TLK1: variants seen among roughly 807,000 people sequenced by gnomAD.
TLK1 encodes the protein serine/threonine-protein kinase tousled-like 1.
TLK1 carries 24 observed loss-of-function variants against 105.3 expected under a neutral mutation model. That is an observed-to-expected ratio of 0.23 (90% CI 0.17 to 0.32). TLK1 has a LOEUF of 0.32. Among genes scored for constraint, TLK1 ranks in the 10% least tolerant of loss-of-function variants. TLK1 has a pLI of 1.00. For missense variants in TLK1, 558 were observed against 910.5 expected (o/e 0.61, Z 4.98); for synonymous variants, 321 against 310.4 (o/e 1.03, Z -0.36).
chr2:171,061,245 A>C, intron 3 of TLK1, 89 bp from the exon 4 acceptor site: 1 of 1,233,334 alleles, frequency 8.1e-7, no homozygotes, highest in Non-Finnish European at 1.2e-6. Flanking sequence ...TCGAGACCAA[A>C]AAAATAGCAT....
chr2:171,073,997 T>G (rs933563504), intron 3 of TLK1, among the ~76,000 whole-genome samples: 7 of 151,484 alleles, frequency 4.6e-5, no homozygotes, highest in African/African-American at 9.7e-5. Flanking sequence ...TTCAAGCGAT[T>G]CTCCTGTCTC....
intron 19 of TLK1, 147 bp from the exon 20 acceptor site, chr2:170,996,907 A>G (rs1417630536): frequency 1.5e-6 from 1 of 669,218 alleles, no homozygotes; most frequent in Non-Finnish European, 2.4e-6. Flanking sequence ...CCTGAGATGA[A>G]TTCTCATACA....
chr2:170,996,600 C>T, intron 20 of TLK1, 53 bp downstream of exon 20: 2 of 1,464,446 alleles, frequency 1.4e-6, no homozygotes, highest in Non-Finnish European at 1.9e-6. Flanking sequence ...GTTGTCAGCA[C>T]AACTGATGAA....
At chr2:171,189,285 G>A (rs1693098167) in intron 1 of TLK1, among the ~76,000 whole-genome samples, 1 of 151,062 alleles carries the variant, frequency 6.6e-6, no homozygotes, top group South Asian at 2.1e-4. Context: ...TCCTGCCTCA[G>A]CCTCCTGAAT....
rs138171576 is a variant in TLK1, at chr2:171,122,987, C to T, written c.140-5130G>A. On this transcript the variant is annotated intron_variant, in intron 1 of 20. Coordinates refer to ENST00000431350, the MANE Select transcript of TLK1 (RefSeq NM_012290.5). ...CCAGGAGGTAGAGGTTGCAGTGAGC[C>T]GAGATCACACCACTTCACTCCAGCC... 4.1e-4 allele frequency among the ~76,000 whole-genome samples: 62 copies of T among 149,926 alleles called. 1 individual carries two copies. The East Asian group carries it at 5.7e-3, about 14-fold the overall frequency.
chr2:171,036,687 T>C (rs970605064), intron 11 of TLK1, among the ~76,000 whole-genome samples: 2 of 152,214 alleles, frequency 1.3e-5, no homozygotes, highest in Non-Finnish European at 2.9e-5. Context: ...GCTTCTCGAG[T>C]TTCAGTTTCA....
chr2:171,001,308 GA>G (rs780454802), intron 18 of TLK1, among the ~76,000 whole-genome samples: 1 of 152,164 alleles, frequency 6.6e-6, no homozygotes, highest in Non-Finnish European at 1.5e-5. Flanking sequence ...TCTTGATCTA[GA>G]GGCTGAATTA....
chr2:171,119,807 T>TA (rs1194999502), intron 1 of TLK1, among the ~76,000 whole-genome samples: 2 of 152,076 alleles, frequency 1.3e-5, no homozygotes, highest in East Asian at 1.9e-4. Flanking sequence ...TTTAACCATA[T>TA]AAAAAAATTA....
chr2:171,209,380 G>T (rs1247683687), intron 1 of TLK1, among the ~76,000 whole-genome samples: 2 of 151,986 alleles, frequency 1.3e-5, no homozygotes, highest in Non-Finnish European at 2.9e-5. Flanking sequence ...TAAATTATTA[G>T]GTATCTATGT....
intron 1 of TLK1, among the ~76,000 whole-genome samples, chr2:171,230,130 A>T (rs191702534): frequency 5.9e-5 from 9 of 152,246 alleles, no homozygotes; most frequent in Non-Finnish European, 1.2e-4. Context: ...TTTATCCATT[A>T]ACTGCTACAA....
At chr2:171,049,790 T>G (rs759067535) in intron 10 of TLK1, 24 bp downstream of exon 10, 1 of 1,611,796 alleles carries the variant, frequency 6.2e-7, no homozygotes, top group Non-Finnish European at 8.5e-7. Context: ...TACTAAAAAC[T>G]TTTAAATGTT....
intron 12 of TLK1, among the ~76,000 whole-genome samples, chr2:171,020,337 T>C (rs1040070693): frequency 6.6e-6 from 1 of 151,418 alleles, no homozygotes; most frequent in Non-Finnish European, 1.5e-5. Context: ...GTCAGGAGTT[T>C]GAGACCAGCC....
rs1049202245 is a variant in TLK1 at position 171,160,883 on chromosome 2, G to A, written c.-455C>T. ...TGTGGGTGGCGGCTGAGGCGGTGGGGTAACCTCTGCATCAGTTACAGGCGG... is the reference window on the plus strand; with the variant it reads ...TGTGGGTGGCGGCTGAGGCGGTGGGATAACCTCTGCATCAGTTACAGGCGG... On this transcript the variant is annotated 5_prime_UTR_variant, in exon 1 of 21. Transcript: ENST00000431350. This position sits in a 1 kb window ranked among gnomAD's most constrained non-coding sequence, Gnocchi z 4.4. 1.0e-5 allele frequency: 3 copies of A among 292,218 alleles called. No homozygotes were observed. Among genetic ancestry groups the A allele is most frequent in the African/African-American group, 4.5e-5 (2 of 44,728 alleles). The allele number at this position is 292,218 out of a possible 1,614,324, so 18.1% of individuals were successfully genotyped here. A position where few individuals can be genotyped will look rare whatever the true frequency, so the allele number is the denominator to read the frequency against.
At chr2:171,028,571 CT>C (rs1298942134) in intron 11 of TLK1, among the ~76,000 whole-genome samples, 166 bp from the exon 12 acceptor site, 1 of 151,642 alleles carries the variant, frequency 6.6e-6, no homozygotes, top group Non-Finnish European at 1.5e-5. Flanking sequence ...ATATTTAATA[CT>C]TTTAGATGAA....
chr2:171,156,027 G>T (rs907657233), intron 1 of TLK1, among the ~76,000 whole-genome samples: 19 of 152,104 alleles, frequency 1.2e-4, no homozygotes, highest in Non-Finnish European at 2.2e-4. Context: ...TAGACTTCCT[G>T]TAGGTCCTAG....
In TLK1 at chr2:171,171,504, CAAAAAA is replaced by C. The variant is rs541238416; in HGVS notation, c.-5-53653_-5-53648del. Among the ~76,000 whole-genome samples, 27 of 67,416 alleles carry C rather than the reference CAAAAAA, an allele frequency of 4.0e-4. 1 individual carries two copies. The East Asian group carries it at 8.5e-3, about 21-fold the overall frequency. 44.2% of individuals were successfully genotyped at this position (67,416 alleles called of 152,430 possible). On this transcript the variant is annotated intron_variant, in intron 1 of 20. Transcript: ENST00000521943. ...GAGACTCTTACACTGCCCTCATCTCCAAAAAAAAAAAAAAAAAGACAGTGAAGGCAA... is the reference window on the plus strand; with the variant it reads ...GAGACTCTTACACTGCCCTCATCTCCAAAAAAAAAAAGACAGTGAAGGCAA...
chr2:171,143,779 A>G (rs1211083919), intron 1 of TLK1, among the ~76,000 whole-genome samples: 1 of 151,784 alleles, frequency 6.6e-6, no homozygotes, highest in African/African-American at 2.4e-5. Flanking sequence ...TAGAGGAGGG[A>G]AAGAGGACAA....
At chr2:171,090,195 T>C (rs1689166809) in intron 2 of TLK1, among the ~76,000 whole-genome samples, 1 of 152,128 alleles carries the variant, frequency 6.6e-6, no homozygotes, top group Admixed American at 6.5e-5. Flanking sequence ...ATATTTTTAT[T>C]ATAAAGATTT....
intron 3 of TLK1, among the ~76,000 whole-genome samples, chr2:171,082,347 C>T (rs1400381096): frequency 1.3e-5 from 2 of 151,622 alleles, no homozygotes; most frequent in Non-Finnish European, 2.9e-5. Context: ...AAACCAGCAG[C>T]ATGATTCCAT....
Sources: allele counts gnomAD v4.1 joint callset (sites outside exome capture counted in the v4.1 genomes callset), GRCh38; gene constraint gnomAD v4.1.1; non-coding constraint Gnocchi (gnomAD v3.1); transcripts MANE v1.5; gene names NCBI Gene and HGNC (gene_info 2026-07-23, HGNC 2026-07-21).